RBFOX1: variants seen among roughly 807,000 people sequenced by gnomAD.
RBFOX1 encodes the protein RNA binding fox-1 homolog 1.
RBFOX1 carries 8 observed loss-of-function variants against 57.7 expected under a neutral mutation model. The ratio of observed to expected loss-of-function variants is 0.14; its 90% CI spans 0.08 to 0.25. The LOEUF (loss-of-function observed/expected upper bound fraction) is 0.25. RBFOX1 is among the 10% of genes least tolerant of loss of function. The probability of loss-of-function intolerance (pLI) is 1.00; values close to 1 mark genes in which losing one functional copy is unlikely to be tolerated. For missense variants in RBFOX1, 611 were observed against 548.5 expected (o/e 1.11, Z -1.14); for synonymous variants, 326 against 222.4 (o/e 1.47, Z -4.15).
At chr16:5,867,911 C>G (rs572615298) in intron 4 of RBFOX1, among the ~76,000 whole-genome samples, 1 of 152,034 alleles carries the variant, frequency 6.6e-6, no homozygotes, top group Non-Finnish European at 1.5e-5. Flanking sequence ...AGGGTTTCAC[C>G]ATGTTGACCA....
intron 5 of RBFOX1, among the ~76,000 whole-genome samples, chr16:7,532,332 C>T (rs1025299285): frequency 1.3e-5 from 2 of 151,956 alleles, no homozygotes; most frequent in Admixed American, 6.6e-5. Flanking sequence ...CAGTGGGTGG[C>T]GCCAGCTTCG....
chr16:7,448,632 G>A (rs958092427), intron 4 of RBFOX1, among the ~76,000 whole-genome samples: 13 of 152,116 alleles, frequency 8.5e-5, no homozygotes, highest in South Asian at 2.1e-4. Flanking sequence ...TTGGCTGGGG[G>A]CACAGCATAA....
rs1340116413 is a variant in RBFOX1, at chr16:7,409,464, C to T, written c.28-108683C>T. On this transcript the variant is annotated intron_variant, in intron 4 of 15. Coordinates refer to ENST00000550418, the MANE Select transcript of RBFOX1 (RefSeq NM_018723.4). Reference sequence around the variant, plus strand: ...TCCCCGTCCCCATTGTCACAGAATGCAGAAAACAGCACAGGGCTCCTGAAC... The same window carrying T: ...TCCCCGTCCCCATTGTCACAGAATGTAGAAAACAGCACAGGGCTCCTGAAC... 2.0e-5 allele frequency among the ~76,000 whole-genome samples: 3 copies of T among 152,188 alleles called. No homozygotes were observed. In the South Asian group the frequency reaches 6.2e-4, roughly 32 times the overall value.
intron 2 of RBFOX1, among the ~76,000 whole-genome samples, chr16:6,595,707 G>C (rs6500803): frequency 0.88 from 134,592 of 152,154 alleles, 60,006 homozygotes; most frequent in Non-Finnish European, 0.95. Flanking sequence ...TGTCCACATC[G>C]TCACGAATAC....
At chr16:6,360,327 A>C (rs1202911293) in intron 2 of RBFOX1, among the ~76,000 whole-genome samples, 1 of 151,960 alleles carries the variant, frequency 6.6e-6, no homozygotes, top group Non-Finnish European at 1.5e-5. Flanking sequence ...AAAAACTTGG[A>C]CTGTTATTGG....
chr16:6,373,417 G>T (rs2090757468), intron 2 of RBFOX1, among the ~76,000 whole-genome samples: 1 of 151,766 alleles, frequency 6.6e-6, no homozygotes, highest in Non-Finnish European at 1.5e-5. Flanking sequence ...TGGGTGCAAT[G>T]GAGATTGGGT....
intron 5 of RBFOX1, among the ~76,000 whole-genome samples, chr16:7,540,242 C>T (rs1207645448): frequency 1.3e-5 from 2 of 152,162 alleles, no homozygotes; most frequent in Non-Finnish European, 1.5e-5. Flanking sequence ...CTCCAGATCT[C>T]GCTGTTTCCC....
chr16:7,342,269 C>T (rs2096912578), intron 4 of RBFOX1, among the ~76,000 whole-genome samples: 1 of 152,062 alleles, frequency 6.6e-6, no homozygotes. Context: ...GCAGTGTAGT[C>T]ATGGTGTCAT....
At chr16:5,244,473 A>G (rs1183180620) in intron 1 of RBFOX1, among the ~76,000 whole-genome samples, 1 of 152,088 alleles carries the variant, frequency 6.6e-6, no homozygotes, top group Non-Finnish European at 1.5e-5. Flanking sequence ...TCACTCCCAT[A>G]CTGGGGACTT....
intron 4 of RBFOX1, among the ~76,000 whole-genome samples, chr16:7,397,320 A>T (rs1031542674): frequency 1.3e-5 from 2 of 152,194 alleles, no homozygotes; most frequent in African/African-American, 4.8e-5. Flanking sequence ...TTAACATGCT[A>T]TTCACTTTGC....
chr16:7,227,448 A>T (rs2152893253), intron 4 of RBFOX1, among the ~76,000 whole-genome samples: 1 of 152,208 alleles, frequency 6.6e-6, no homozygotes, highest in African/African-American at 2.4e-5. Context: ...CGTATTAATA[A>T]AGCACTTAAA....
chr16:7,577,887 C>T (rs931270140), intron 5 of RBFOX1, among the ~76,000 whole-genome samples: 1 of 152,158 alleles, frequency 6.6e-6, no homozygotes, highest in Non-Finnish European at 1.5e-5. Flanking sequence ...AGAGCAAGAC[C>T]CAACTCCAAG....
At chr16:7,597,454 C>G (rs375351589) in intron 9 of RBFOX1, 23 bp downstream of exon 9, 571 of 1,556,384 alleles carry the variant, frequency 3.7e-4, no homozygotes, top group Non-Finnish European at 4.8e-4. Flanking sequence ...TGGCCTTTTA[C>G]AAGAAATTCT....
intron 4 of RBFOX1, among the ~76,000 whole-genome samples, chr16:7,312,334 C>T (rs926303510): frequency 6.6e-6 from 1 of 152,170 alleles, no homozygotes; most frequent in African/African-American, 2.4e-5. Context: ...GAGCCGAGAT[C>T]GCGGCGTTGC....
At chr16:6,041,007 T>TTTTTGTCCAAAC (rs2095430553) in intron 1 of RBFOX1, among the ~76,000 whole-genome samples, 1 of 152,176 alleles carries the variant, frequency 6.6e-6, no homozygotes, top group Non-Finnish European at 1.5e-5. Flanking sequence ...ATTATGACAG[T>TTTTTGTCCAAAC]TTTATGGGTT....
At chr16:7,501,768 A>C (rs2070965600) in intron 4 of RBFOX1, among the ~76,000 whole-genome samples, 1 of 152,192 alleles carries the variant, frequency 6.6e-6, no homozygotes, top group African/African-American at 2.4e-5. Flanking sequence ...GTTCTTCTGG[A>C]AAACCTTACC....
intron 4 of RBFOX1, among the ~76,000 whole-genome samples, chr16:7,212,174 G>A (rs1421119073): frequency 3.3e-5 from 5 of 152,162 alleles, no homozygotes; most frequent in Admixed American, 2.6e-4. Context: ...GGACTGCTTG[G>A]GGCAGACTGT....
intron 3 of RBFOX1, among the ~76,000 whole-genome samples, chr16:5,626,617 C>G (rs773750035): frequency 6.6e-6 from 1 of 152,170 alleles, no homozygotes; most frequent in Admixed American, 6.5e-5. Flanking sequence ...TTTTCAGCCT[C>G]TTCTCCCGCC....
intron 4 of RBFOX1, among the ~76,000 whole-genome samples, chr16:7,332,373 TTTATC>T (rs1428081601): frequency 2.0e-5 from 3 of 152,218 alleles, no homozygotes; most frequent in Non-Finnish European, 2.9e-5. Flanking sequence ...GGCTGGTAGT[TTTATC>T]TTATTTACAA....
Sources: gnomAD v4.1 joint callset for allele counts (sites outside exome capture counted in the v4.1 genomes callset) on GRCh38, gnomAD v4.1.1 for gene constraint, MANE v1.5 for transcripts, NCBI Gene and HGNC (gene_info 2026-07-23, HGNC 2026-07-21) for gene names.